MDGA2: variants seen among roughly 807,000 people sequenced by gnomAD.
MDGA2 encodes MAM domain containing glycosylphosphatidylinositol anchor 2.
In MDGA2, 40 loss-of-function variants were observed where a neutral mutation model predicts 117.8. The ratio of observed to expected loss-of-function variants is 0.34; its 90% CI spans 0.26 to 0.44. The LOEUF is 0.44. MDGA2 is among the 20% of genes least tolerant of loss of function. The pLI is 1.00. For missense variants in MDGA2, 1,123 were observed against 1,250.6 expected (o/e 0.90, Z 1.54); for synonymous variants, 452 against 439.0 (o/e 1.03, Z -0.37).
chr14:47,423,202 T>C (rs1008711206), intron 1 of MDGA2, among the ~76,000 whole-genome samples: 2 of 152,180 alleles, frequency 1.3e-5, no homozygotes, highest in Non-Finnish European at 2.9e-5. Context: ...TGAGCTAAAT[T>C]TGAAATTCAT....
intron 8 of MDGA2, among the ~76,000 whole-genome samples, chr14:47,008,922 A>C (rs1361675023): frequency 6.6e-6 from 1 of 151,976 alleles, no homozygotes; most frequent in African/African-American, 2.4e-5. Flanking sequence ...CTGTTCAATC[A>C]TTAAATCTTA....
chr14:47,401,864 T>C (rs1020433771), intron 1 of MDGA2, among the ~76,000 whole-genome samples: 6 of 152,176 alleles, frequency 3.9e-5, no homozygotes, highest in Non-Finnish European at 8.8e-5. Flanking sequence ...GATTGCTTCA[T>C]TGTGAAGTAG....
chr14:47,514,022 G>C (rs924706191), intron 1 of MDGA2, among the ~76,000 whole-genome samples: 1 of 152,112 alleles, frequency 6.6e-6, no homozygotes, highest in Admixed American at 6.5e-5. Context: ...AGTGACACCG[G>C]AGTGGGGAGT....
chr14:46,986,626 T>C (rs1886869076), intron 8 of MDGA2, among the ~76,000 whole-genome samples: 1 of 152,130 alleles, frequency 6.6e-6, no homozygotes, highest in African/African-American at 2.4e-5. Context: ...AAAAGATAAA[T>C]GTCTTAAGGA....
intron 2 of MDGA2, among the ~76,000 whole-genome samples, chr14:47,259,871 G>A (rs1887738574): frequency 1.3e-5 from 2 of 151,922 alleles, no homozygotes; most frequent in Admixed American, 6.6e-5. Flanking sequence ...ATGGGGGAAG[G>A]GAGAAGACTC....
At position 47,675,516 on chromosome 14, in the gene MDGA2, C is replaced by T. The variant is rs1024275585; in HGVS notation, c.-720G>A. Among the ~76,000 whole-genome samples, 1 of 152,100 alleles carries T rather than the reference C, an allele frequency of 6.6e-6. No homozygotes were observed. The highest frequency in any genetic ancestry group is 6.5e-5 in the Admixed American group (1 of 15,286). ...GCTCTCCAAAATAGCCTTTAGCGCCCGGCCAGCGTAGAGGTGCTCTGGCCG... is the reference window on the plus strand; with the variant it reads ...GCTCTCCAAAATAGCCTTTAGCGCCTGGCCAGCGTAGAGGTGCTCTGGCCG... On this transcript the variant is annotated 5_prime_UTR_variant, in exon 1 of 17. Coordinates refer to ENST00000399232, the MANE Select transcript of MDGA2 (RefSeq NM_001113498.3).
intron 1 of MDGA2, among the ~76,000 whole-genome samples, chr14:47,499,236 G>T (rs1894347756): frequency 6.6e-6 from 1 of 152,024 alleles, no homozygotes; most frequent in African/African-American, 2.4e-5. Flanking sequence ...ACTGGTCTTT[G>T]TTAGACTGAG....
intron 1 of MDGA2, among the ~76,000 whole-genome samples, chr14:47,596,637 C>G (rs896808010): frequency 1.3e-5 from 2 of 152,162 alleles, no homozygotes; most frequent in Non-Finnish European, 2.9e-5. Context: ...AGAAATTGTA[C>G]TTTTCTGTTT....
intron 1 of MDGA2, among the ~76,000 whole-genome samples, chr14:47,563,578 GTTTTTTTTTTTTTTTT>G (rs56244321): frequency 0.42 from 24,154 of 58,052 alleles, 2,946 homozygotes; most frequent in Admixed American, 0.56. Flanking sequence ...GCTTTTTTCT[GTTTTTTTTTTTTTTTT>G]TTTTTTTTTT....
At chr14:47,278,074 G>T (rs773563437) in intron 2 of MDGA2, among the ~76,000 whole-genome samples, 1 of 151,958 alleles carries the variant, frequency 6.6e-6, no homozygotes, top group African/African-American at 2.4e-5. Flanking sequence ...AACCTCTGAG[G>T]TTTAAAATTT....
At chr14:47,044,622 T>TAA (rs1052791200) in intron 7 of MDGA2, among the ~76,000 whole-genome samples, 18 of 152,274 alleles carry the variant, frequency 1.2e-4, no homozygotes, top group African/African-American at 4.3e-4. Flanking sequence ...TCACACTCTG[T>TAA]AAATAAAAAC....
At chr14:47,125,019 A>T (rs145612452) in intron 5 of MDGA2, among the ~76,000 whole-genome samples, 168 of 152,250 alleles carry the variant, frequency 1.1e-3, no homozygotes, top group Non-Finnish European at 1.9e-3. Context: ...TATTTTCACA[A>T]ACCTAAATAG....
chr14:47,534,337 C>G (rs952470709), intron 1 of MDGA2, among the ~76,000 whole-genome samples: 4 of 152,146 alleles, frequency 2.6e-5, no homozygotes, highest in African/African-American at 9.6e-5. Flanking sequence ...AGCTTTGGTG[C>G]CAACAAAAAT....
chr14:47,288,405 A>C lies in MDGA2; in HGVS notation c.420+13006T>G, dbSNP rs138000671. Among the ~76,000 whole-genome samples, 459 of 152,278 alleles carry C rather than the reference A, an allele frequency of 3.0e-3. 5 individuals carry two copies. Among genetic ancestry groups the C allele is most frequent in the Non-Finnish European group, 5.6e-3 (378 of 68,012 alleles). ...ATTATGTATCGTATCAACACAAAAA[A>C]TTCACGTCAATTTGATACCATATTG... On this transcript the variant is annotated intron_variant, in intron 2 of 16. Transcript: ENST00000399232.
At chr14:47,582,864 T>G (rs973746019) in intron 1 of MDGA2, among the ~76,000 whole-genome samples, 1 of 151,922 alleles carries the variant, frequency 6.6e-6, no homozygotes, top group South Asian at 2.1e-4. Flanking sequence ...CCAGAATTAG[T>G]AACAACTTCA....
intron 3 of MDGA2, among the ~76,000 whole-genome samples, chr14:47,197,745 C>T (rs1291036018): frequency 6.6e-6 from 1 of 152,054 alleles, no homozygotes; most frequent in Non-Finnish European, 1.5e-5. Context: ...CCCGTCTCTA[C>T]TAAAAATACA....
At chr14:47,381,162 C>G (rs573879248) in intron 1 of MDGA2, among the ~76,000 whole-genome samples, 4 of 152,132 alleles carry the variant, frequency 2.6e-5, no homozygotes, top group South Asian at 2.1e-4. Context: ...ATTCAACAGC[C>G]CTTCAAGCTA....
At chr14:47,607,155 T>C (rs570916065) in intron 1 of MDGA2, among the ~76,000 whole-genome samples, 3 of 152,304 alleles carry the variant, frequency 2.0e-5, no homozygotes, top group African/African-American at 7.2e-5. Flanking sequence ...TTCTCTATTA[T>C]ATTGCACACT....
At chr14:46,904,802 T>C (rs556696549) in intron 10 of MDGA2, among the ~76,000 whole-genome samples, 1 of 152,346 alleles carries the variant, frequency 6.6e-6, no homozygotes, top group South Asian at 2.1e-4. Context: ...GAAACTCGAC[T>C]AGAAACCCCA....
Sources: allele counts gnomAD v4.1 joint callset (sites outside exome capture counted in the v4.1 genomes callset), GRCh38; gene constraint gnomAD v4.1.1; transcripts MANE v1.5; gene names NCBI Gene and HGNC (gene_info 2026-07-23, HGNC 2026-07-21).